Variants in EFR3B observed in about 807,000 individuals in gnomAD.
The protein encoded by EFR3B is EFR3 homolog B.
Under a neutral mutation model 104.7 loss-of-function variants are expected in EFR3B, and 64 were observed. That is an observed-to-expected ratio of 0.61 (90% CI 0.50 to 0.75). EFR3B has a LOEUF of 0.75. EFR3B is among the 30% of genes least tolerant of loss of function. The pLI, the probability that EFR3B is intolerant of heterozygous loss-of-function variation, is 0.00. For missense variants in EFR3B, 750 were observed against 1,078.5 expected, an observed-to-expected ratio of 0.70 and a Z score of 4.27; for synonymous variants, 385 against 417.9, an observed-to-expected ratio of 0.92 and a Z score of 0.96.
chr2:25,142,444 G>A (rs1558619158), intron 17 of EFR3B, among the ~76,000 whole-genome samples: 1 of 139,202 alleles, frequency 7.2e-6, no homozygotes, highest in Non-Finnish European at 1.5e-5. Context: ...GCAAGACTCT[G>A]TCTAAAAAAA....
At chr2:25,125,920 C>T (rs1268488186) in intron 5 of EFR3B, among the ~76,000 whole-genome samples, 5 of 152,118 alleles carry the variant, frequency 3.3e-5, no homozygotes, top group East Asian at 3.9e-4. Flanking sequence ...GGTGACAGAG[C>T]GAGACTCCGT....
At chr2:25,082,998 G>C (rs376231261) in intron 1 of EFR3B, among the ~76,000 whole-genome samples, 1 of 152,188 alleles carries the variant, frequency 6.6e-6, no homozygotes, top group East Asian at 1.9e-4. Context: ...ATGAGCCATC[G>C]AGGGAGGTCT....
rs1013071455 is a variant in EFR3B, at chr2:25,130,874, A to G, written c.849+244A>G. 6.6e-6 allele frequency among the ~76,000 whole-genome samples: 1 copy of G among 152,204 alleles called. No individual in the cohort carries two copies. The highest frequency in any genetic ancestry group is 1.5e-5 in the Non-Finnish European group (1 of 68,040). ...AATTTCTAGAAAAATTAAATAAAAA[A>G]CTCATGCAAAATGCAAGCCTACAGA... On this transcript the variant is annotated intron_variant, in intron 8 of 22. Transcript: ENST00000403714. The surrounding 1 kb of genome is among the most constrained non-coding windows in gnomAD (Gnocchi z 4.6).
At chr2:25,050,068 T>G (rs1667825101) in intron 1 of EFR3B, among the ~76,000 whole-genome samples, 1 of 150,720 alleles carries the variant, frequency 6.6e-6, no homozygotes, top group Non-Finnish European at 1.5e-5. Flanking sequence ...AGGTGGAGGT[T>G]GCTGTGAGTG....
At chr2:25,083,615 C>T (rs1245845973) in intron 1 of EFR3B, among the ~76,000 whole-genome samples, 1 of 152,078 alleles carries the variant, frequency 6.6e-6, no homozygotes, top group East Asian at 1.9e-4. Flanking sequence ...AGAAGCTGGG[C>T]GCTCCTGACC....
Position 25,091,302 on chromosome 2 carries a change from A to C in EFR3B, c.8-23A>C, listed in dbSNP as rs142894808. 7.1e-6 allele frequency: 11 copies of C among 1,548,192 alleles called. No homozygotes were observed. The African/African-American group carries it at 1.2e-4, about 17-fold the overall frequency. ...GGCCCGACCAGGAGGCTTTGCTCAC[A>C]GTTTTTCCCATTCTTATTCCAGGTG... On this transcript the variant is annotated intron_variant, in intron 1 of 22. Transcript: ENST00000403714.
intron 1 of EFR3B, among the ~76,000 whole-genome samples, chr2:25,085,581 C>T (rs1668926956): frequency 6.6e-6 from 1 of 152,114 alleles, no homozygotes. Context: ...TCTCCTGCCT[C>T]AGTCTCCCAA....
rs908293677 is a variant in EFR3B, at chr2:25,103,786, C to T, written c.362C>T (p.Ser121Leu). Residue 121 changes from serine (S) to leucine (L), a missense_variant and splice_region_variant, in exon 4 of 23, where the codon TCG becomes TTG. By Grantham distance (145) the Ser-to-Leu change is moderately radical. Coordinates refer to ENST00000403714, the MANE Select transcript of EFR3B (RefSeq NM_014971.2). ...KPNLQILGTN[S>L]FVKFANIEED... ...AACCTGCAGATCCTCGGCACCAACT[C>T]GGTAAGGAGCGGCCCAGGGGGCTCC... The T allele has an allele frequency of 3.9e-6, 6 of 1,551,200 alleles. No homozygotes were observed. Among genetic ancestry groups the T allele is most frequent in the South Asian group, 1.2e-5 (1 of 84,042 alleles).
chr2:25,149,305 G>A (rs1670937868), intron 19 of EFR3B, among the ~76,000 whole-genome samples: 1 of 152,160 alleles, frequency 6.6e-6, no homozygotes, highest in African/African-American at 2.4e-5. Flanking sequence ...CCAAGATCAT[G>A]CCACTACACT....
chr2:25,114,156 C>A lies in EFR3B; in HGVS notation c.364-7517C>A, dbSNP rs1472356928. Among the ~76,000 whole-genome samples the A allele has an allele frequency of 6.6e-6, 1 of 152,178 alleles. No homozygotes were observed. Among genetic ancestry groups the A allele is most frequent in the African/African-American group, 2.4e-5 (1 of 41,456 alleles). ...CTTTGACCAGGGCCCCCGGGAAAAACCCCATCAGACCCTCTGAATCACTGT... is the reference window on the plus strand; with the variant it reads ...CTTTGACCAGGGCCCCCGGGAAAAAACCCATCAGACCCTCTGAATCACTGT... On this transcript the variant is annotated intron_variant, in intron 4 of 22. Transcript: ENST00000403714. This position sits in a 1 kb window ranked among gnomAD's most constrained non-coding sequence, Gnocchi z 4.0.
rs11455802 is a variant in EFR3B at position 25,094,282 on chromosome 2, C to CAAAAAAAAAAA, written c.212+1161_212+1171dup. Among the ~76,000 whole-genome samples the CAAAAAAAAAAA allele has an allele frequency of 8.7e-5, 8 of 91,628 alleles. No individual in the cohort carries two copies. In the East Asian group the frequency reaches 1.5e-3, roughly 17 times the overall value. 60.1% of individuals were successfully genotyped at this position (91,628 alleles called of 152,430 possible). On this transcript the variant is annotated intron_variant, in intron 3 of 22. Coordinates refer to ENST00000403714, the MANE Select transcript of EFR3B (RefSeq NM_014971.2). ...CCTGGGAGACAGATTGAGACTGTCT[C>CAAAAAAAAAAA]AAAAAAAAAAAAAAAAAAAGAAAAA...
At chr2:25,152,169 C>A in intron 21 of EFR3B, 149 bp downstream of exon 21, 1 of 772,598 alleles carries the variant, frequency 1.3e-6, no homozygotes, top group Non-Finnish European at 2.1e-6. Context: ...GCTTGTATTC[C>A]AATGCAGGGA....
chr2:25,073,332 CTG>C (rs1467627968), intron 1 of EFR3B, among the ~76,000 whole-genome samples: 3 of 151,278 alleles, frequency 2.0e-5, no homozygotes, highest in Admixed American at 6.6e-5. Context: ...AAATACAAAA[CTG>C]TGTATATTAT....
intron 1 of EFR3B, among the ~76,000 whole-genome samples, chr2:25,046,595 T>TG (rs1491470352): frequency 7.1e-6 from 1 of 141,774 alleles, no homozygotes; most frequent in Non-Finnish European, 1.5e-5. Context: ...CTCCGCCCCC[T>TG]GGGGTTCACG....
At chr2:25,056,859 C>T (rs543417055) in intron 1 of EFR3B, among the ~76,000 whole-genome samples, 2 of 152,266 alleles carry the variant, frequency 1.3e-5, no homozygotes, top group South Asian at 4.1e-4. Flanking sequence ...CACTGTCCTT[C>T]TATTTTATCA....
Position 25,042,216 on chromosome 2 carries a change from C to T in EFR3B, c.-97C>T. 8.2e-7 allele frequency: 1 copy of T among 1,224,904 alleles called. No homozygotes were observed. Among genetic ancestry groups the T allele is most frequent in the Non-Finnish European group, 1.0e-6 (1 of 972,002 alleles). The allele number at this position is 1,224,904 out of a possible 1,614,324, so 75.9% of individuals were successfully genotyped here. A position where few individuals can be genotyped will look rare whatever the true frequency, so the allele number is the denominator to read the frequency against. ...CGGGCCCCTGTCGGCCGCCGCCAGTCCCCGCCCCGACTGTGAATGAAAGGC... is the reference window on the plus strand; with the variant it reads ...CGGGCCCCTGTCGGCCGCCGCCAGTTCCCGCCCCGACTGTGAATGAAAGGC... On this transcript the variant is annotated 5_prime_UTR_variant, in exon 1 of 23. Coordinates refer to ENST00000403714, the MANE Select transcript of EFR3B (RefSeq NM_014971.2). The surrounding 1 kb of genome is among the most constrained non-coding windows in gnomAD (Gnocchi z 5.4).
At position 25,084,385 on chromosome 2, in the gene EFR3B, C is replaced by T. The variant is rs370403888; in HGVS notation, c.8-6940C>T. 8.6e-5 allele frequency among the ~76,000 whole-genome samples: 13 copies of T among 152,046 alleles called. No individual in the cohort carries two copies. The East Asian group carries it at 9.7e-4, about 11-fold the overall frequency. On this transcript the variant is annotated intron_variant, in intron 1 of 22. Coordinates refer to ENST00000403714, the MANE Select transcript of EFR3B (RefSeq NM_014971.2). The stretch of plus-strand genomic sequence containing the variant: ...CCGAATAGCTGGGATTACAGGTGCG[C>T]GCTGCCACGCCCTGCTAATTTTTTT...
intron 4 of EFR3B, among the ~76,000 whole-genome samples, chr2:25,117,200 G>T (rs1669886228): frequency 6.6e-6 from 1 of 152,170 alleles, no homozygotes; most frequent in African/African-American, 2.4e-5. Flanking sequence ...GTCAGCCCCT[G>T]CCTGCGGCTC....
intron 1 of EFR3B, among the ~76,000 whole-genome samples, chr2:25,084,764 G>T (rs1200466619): frequency 1.3e-5 from 2 of 152,178 alleles, no homozygotes; most frequent in Non-Finnish European, 2.9e-5. Context: ...AAGTGGAGAG[G>T]GGGCTTCCAG....
Sources: gnomAD v4.1 joint callset for allele counts (sites outside exome capture counted in the v4.1 genomes callset) on GRCh38, gnomAD v4.1.1 for gene constraint, Gnocchi (gnomAD v3.1) non-coding constraint, MANE v1.5 for transcripts, NCBI Gene and HGNC (gene_info 2026-07-23, HGNC 2026-07-21) for gene names.